CDH13: variants seen among roughly 807,000 people sequenced by gnomAD.
The protein encoded by CDH13 is cadherin 13.
CDH13 carries 24 observed loss-of-function variants against 63.8 expected under a neutral mutation model. The ratio of observed to expected loss-of-function variants is 0.38; its 90% CI spans 0.27 to 0.53. The LOEUF (loss-of-function observed/expected upper bound fraction) is 0.53. Among genes scored for constraint, CDH13 ranks in the 20% least tolerant of loss-of-function variants. CDH13 has a pLI of 0.85. For missense variants in CDH13, 1,049 were observed against 903.1 expected (o/e 1.16, Z -2.07); for synonymous variants, 503 against 355.3 (o/e 1.42, Z -4.67).
intron 5 of CDH13, among the ~76,000 whole-genome samples, chr16:83,277,295 C>A (rs578067539): frequency 6.6e-6 from 1 of 152,176 alleles, no homozygotes; most frequent in Non-Finnish European, 1.5e-5. Flanking sequence ...GCAGGCTGAA[C>A]AAAGCCTGTC....
intron 3 of CDH13, among the ~76,000 whole-genome samples, chr16:83,117,475 G>GC (rs1002962013): frequency 2.6e-5 from 4 of 151,896 alleles, no homozygotes; most frequent in African/African-American, 9.7e-5. Context: ...AGCACTTCCA[G>GC]CCCTCCTCCC....
intron 4 of CDH13, 84 bp downstream of exon 4, chr16:83,125,585 C>T (rs1476275483): frequency 1.4e-6 from 1 of 721,288 alleles, no homozygotes; most frequent in Non-Finnish European, 2.4e-6. Context: ...GTCTTGGTGA[C>T]CAGCTGGAAT....
chr16:83,514,532 C>T (rs1213050063), intron 7 of CDH13, among the ~76,000 whole-genome samples: 1 of 152,170 alleles, frequency 6.6e-6, no homozygotes, highest in Non-Finnish European at 1.5e-5. Flanking sequence ...GCAGTCTAAG[C>T]TACTCAGGAG....
intron 5 of CDH13, among the ~76,000 whole-genome samples, chr16:83,264,957 A>T (rs527315455): frequency 4.2e-4 from 64 of 152,326 alleles, no homozygotes; most frequent in African/African-American, 1.5e-3. Context: ...TATATGAAAT[A>T]CGACTCTGAT....
At chr16:82,866,335 C>G (rs1298301437) in intron 2 of CDH13, among the ~76,000 whole-genome samples, 1 of 149,382 alleles carries the variant, frequency 6.7e-6, no homozygotes, top group African/African-American at 2.5e-5. Flanking sequence ...TCTACTGGTA[C>G]CAATTTACTG....
intron 1 of CDH13, among the ~76,000 whole-genome samples, chr16:82,628,821 G>C (rs1354959550): frequency 1.3e-5 from 2 of 152,218 alleles, no homozygotes; most frequent in African/African-American, 2.4e-5. Context: ...AAAGGATTCA[G>C]ACAGATCCTT....
intron 2 of CDH13, among the ~76,000 whole-genome samples, chr16:82,902,539 G>A (rs944422495): frequency 1.6e-4 from 25 of 151,920 alleles, no homozygotes; most frequent in South Asian, 8.3e-4. Context: ...TCTTTCCTCG[G>A]GATTTATTTA....
Position 83,521,162 on chromosome 16 carries a change from C to A in CDH13, c.960+34507C>A, listed in dbSNP as rs200963929. 4.6e-5 allele frequency among the ~76,000 whole-genome samples: 7 copies of A among 152,230 alleles called. No individual in the cohort carries two copies. In the East Asian group the frequency reaches 7.7e-4, roughly 17 times the overall value. On this transcript the variant is annotated intron_variant, in intron 7 of 13. Coordinates refer to ENST00000567109, the MANE Select transcript of CDH13 (RefSeq NM_001257.5). ...ATGGAAAACCAGCACTTTGCTAACA[C>A]GTTTTAAATTTAAATTATTGCATGT...
rs566865904 is a variant in CDH13, at chr16:82,736,868, CTTCCTCAA to C, written c.45+109733_45+109740del. On this transcript the variant is annotated intron_variant, in intron 1 of 13. Coordinates refer to ENST00000567109, the MANE Select transcript of CDH13 (RefSeq NM_001257.5). ...TGGTCAGATGGCCTCTCTTGGTTGT[CTTCCTCAA>C]TCCTTTCATTGTGTTGTAGTTGGGC... Among the ~76,000 whole-genome samples the C allele has an allele frequency of 4.3e-3, 652 of 152,256 alleles. 7 individuals carry two copies. The highest frequency in any genetic ancestry group is 0.015 in the African/African-American group (632 of 41,554).
intron 1 of CDH13, among the ~76,000 whole-genome samples, chr16:82,771,727 A>G (rs886748139): frequency 6.6e-6 from 1 of 152,242 alleles, no homozygotes; most frequent in Non-Finnish European, 1.5e-5. Context: ...AATTTGTGTT[A>G]AAGTGATGTA....
chr16:83,348,105 G>C (rs1204094418), intron 6 of CDH13, among the ~76,000 whole-genome samples: 1 of 152,154 alleles, frequency 6.6e-6, no homozygotes, highest in Non-Finnish European at 1.5e-5. Flanking sequence ...CAGGAGAATT[G>C]CTTGAACCCA....
At chr16:83,318,540 T>G (rs1389157293) in intron 5 of CDH13, among the ~76,000 whole-genome samples, 2 of 152,216 alleles carry the variant, frequency 1.3e-5, no homozygotes, top group Non-Finnish European at 2.9e-5. Flanking sequence ...ACACGTAAGC[T>G]GTTGCTTTCA....
intron 1 of CDH13, among the ~76,000 whole-genome samples, chr16:82,723,334 T>C (rs1444586412): frequency 6.6e-6 from 1 of 152,222 alleles, no homozygotes; most frequent in Non-Finnish European, 1.5e-5. Context: ...TCAGCACATA[T>C]TTATTGAACC....
chr16:83,615,829 C>T (rs1347750398), intron 8 of CDH13, among the ~76,000 whole-genome samples: 1 of 152,208 alleles, frequency 6.6e-6, no homozygotes, highest in African/African-American at 2.4e-5. Context: ...GCATTCCCAA[C>T]TTCCCATCAC....
intron 3 of CDH13, among the ~76,000 whole-genome samples, chr16:83,038,535 A>G (rs1298762097): frequency 6.6e-6 from 1 of 152,166 alleles, no homozygotes; most frequent in Non-Finnish European, 1.5e-5. Context: ...GAAGGTCATG[A>G]TGAACTTGAC....
chr16:82,736,133 A>G (rs1009989978), intron 1 of CDH13, among the ~76,000 whole-genome samples: 16 of 152,156 alleles, frequency 1.1e-4, no homozygotes, highest in African/African-American at 3.1e-4. Context: ...TTTGCTTTCT[A>G]TGTTTCTCCT....
intron 6 of CDH13, among the ~76,000 whole-genome samples, chr16:83,375,330 T>C (rs1455009686): frequency 6.6e-6 from 1 of 152,222 alleles, no homozygotes; most frequent in Non-Finnish European, 1.5e-5. Flanking sequence ...GGGACTGAGC[T>C]CATGGTTTGT....
chr16:83,645,806 A>G (rs962634379), intron 8 of CDH13, among the ~76,000 whole-genome samples: 5 of 152,090 alleles, frequency 3.3e-5, no homozygotes, highest in African/African-American at 1.2e-4. Flanking sequence ...TTTCCTGTAA[A>G]TCTAGCACAG....
chr16:82,640,233 A>G (rs1041636164), intron 1 of CDH13, among the ~76,000 whole-genome samples: 3 of 152,210 alleles, frequency 2.0e-5, no homozygotes, highest in Non-Finnish European at 2.9e-5. Context: ...TTCTGATGGA[A>G]TGGCCTTTCT....
Sources: allele counts gnomAD v4.1 joint callset (sites outside exome capture counted in the v4.1 genomes callset), GRCh38; gene constraint gnomAD v4.1.1; transcripts MANE v1.5; gene names NCBI Gene and HGNC (gene_info 2026-07-23, HGNC 2026-07-21).